Variants in WWOX observed in about 807,000 individuals in gnomAD.
WWOX encodes the protein WW domain-containing oxidoreductase.
A neutral mutation model predicts 46.2 loss-of-function variants in WWOX; 69 were observed. That is an observed-to-expected ratio of 1.49 (90% CI 1.23 to 1.82). WWOX has a LOEUF of 1.82. Ranked by LOEUF, WWOX falls within the 40% of genes most tolerant of loss-of-function variation. The pLI is 0.00. For synonymous variants in WWOX, 359 were observed against 202.6 expected (o/e 1.77, Z -6.56); for missense variants, 919 against 542.6 (o/e 1.69, Z -6.89).
intron 8 of WWOX, among the ~76,000 whole-genome samples, chr16:78,445,666 C>G (rs777807605): frequency 6.6e-6 from 1 of 152,122 alleles, no homozygotes. Context: ...CACTTGAGGC[C>G]GGGAGTTTGA....
chr16:78,438,571 C>T (rs939387846), intron 8 of WWOX, among the ~76,000 whole-genome samples: 3 of 152,086 alleles, frequency 2.0e-5, no homozygotes, highest in Admixed American at 2.0e-4. Context: ...TGAGCACTGT[C>T]ACTTGCCTCT....
chr16:78,928,551 T>G (rs114900039), intron 8 of WWOX, among the ~76,000 whole-genome samples: 2,474 of 152,268 alleles, frequency 0.016, 72 homozygotes, highest in African/African-American at 0.057. Context: ...TGAATACTGA[T>G]TTTTCGTTAC....
intron 5 of WWOX, among the ~76,000 whole-genome samples, chr16:78,359,818 C>G (rs1287541142): frequency 1.3e-5 from 2 of 152,180 alleles, no homozygotes; most frequent in Admixed American, 6.5e-5. Context: ...CTGGGATGAA[C>G]AGGGAAGACT....
At chr16:78,702,029 AT>A (rs2048230110) in intron 8 of WWOX, among the ~76,000 whole-genome samples, 2 of 122,354 alleles carry the variant, frequency 1.6e-5, no homozygotes, top group African/African-American at 8.2e-5. Context: ...ATATATATAT[AT>A]ATATATATAT....
intron 8 of WWOX, among the ~76,000 whole-genome samples, chr16:78,578,812 T>C (rs1273601346): frequency 6.6e-6 from 1 of 152,178 alleles, no homozygotes. Context: ...CAGAATTGCA[T>C]CCCTGACATT....
intron 8 of WWOX, among the ~76,000 whole-genome samples, chr16:78,523,440 G>A (rs941556279): frequency 1.3e-5 from 2 of 152,160 alleles, no homozygotes; most frequent in Admixed American, 6.5e-5. Context: ...GGTAATTACC[G>A]AATCATAAAT....
intron 8 of WWOX, among the ~76,000 whole-genome samples, chr16:79,019,110 A>G (rs887508484): frequency 1.4e-5 from 2 of 145,214 alleles, no homozygotes; most frequent in East Asian, 2.1e-4. Flanking sequence ...GTGAGGCAAG[A>G]TCACACCACT....
chr16:78,491,522 G>A (rs1355394346), intron 8 of WWOX, among the ~76,000 whole-genome samples: 1 of 152,084 alleles, frequency 6.6e-6, no homozygotes, highest in Non-Finnish European at 1.5e-5. Context: ...GAGTGCAGTG[G>A]CAGAGTCTCT....
At chr16:78,378,631 C>G (rs527663912) in intron 5 of WWOX, among the ~76,000 whole-genome samples, 1 of 152,178 alleles carries the variant, frequency 6.6e-6, no homozygotes, top group Non-Finnish European at 1.5e-5. Context: ...GTGTCTCTTG[C>G]TGTTGTAAAT....
intron 5 of WWOX, among the ~76,000 whole-genome samples, chr16:78,259,403 T>C (rs1286861428): frequency 6.6e-6 from 1 of 152,208 alleles, no homozygotes; most frequent in African/African-American, 2.4e-5. Context: ...CTCGGCTGAC[T>C]GCAACCTCTG....
chr16:78,552,537 G>A (rs1054381973), intron 8 of WWOX: 1 of 152,196 alleles, frequency 6.6e-6, no homozygotes, highest in African/African-American at 2.4e-5. Context: ...GGAGCAGCTG[G>A]AGGGTCCAGG....
chr16:78,798,670 C>T (rs1471762142), intron 8 of WWOX, among the ~76,000 whole-genome samples: 8 of 150,638 alleles, frequency 5.3e-5, no homozygotes, highest in South Asian at 2.1e-4. Context: ...TTTAATTTCT[C>T]ACCATCTCAG....
intron 8 of WWOX, among the ~76,000 whole-genome samples, chr16:78,634,705 TAAAAAA>T (rs60805816): frequency 1.5e-5 from 2 of 133,420 alleles, no homozygotes; most frequent in Non-Finnish European, 1.6e-5. Flanking sequence ...GACTCTGTGT[TAAAAAA>T]AAAAAAAAAA....
intron 5 of WWOX, among the ~76,000 whole-genome samples, chr16:78,209,563 G>A (rs951834268): frequency 1.3e-5 from 2 of 152,122 alleles, no homozygotes; most frequent in South Asian, 2.1e-4. Flanking sequence ...TATAATATGT[G>A]CACCTTTGAG....
chr16:79,002,340 C>T (rs1360221923), intron 8 of WWOX, among the ~76,000 whole-genome samples: 2 of 149,964 alleles, frequency 1.3e-5, no homozygotes, highest in Non-Finnish European at 3.0e-5. Flanking sequence ...TCTCCTGCCT[C>T]AGCCTCCTGA....
intron 8 of WWOX, among the ~76,000 whole-genome samples, chr16:78,515,482 T>G (rs974133941): frequency 6.6e-6 from 1 of 152,186 alleles, no homozygotes; most frequent in Non-Finnish European, 1.5e-5. Context: ...ATGGTTTGCT[T>G]GGTGTACTGG....
chr16:78,588,400 G>A (rs529635690), intron 8 of WWOX, among the ~76,000 whole-genome samples: 6 of 152,210 alleles, frequency 3.9e-5, no homozygotes, highest in East Asian at 3.9e-4. Context: ...GCCAGGATGG[G>A]GCTACTCTGT....
intron 8 of WWOX, among the ~76,000 whole-genome samples, chr16:78,498,470 A>C (rs559295793): frequency 1.3e-5 from 2 of 152,242 alleles, no homozygotes; most frequent in South Asian, 4.2e-4. Flanking sequence ...AAATCTTATG[A>C]TAAAACTCTA....
In WWOX at chr16:78,342,505, C is replaced by T. The variant is rs903556933; in HGVS notation, c.517-44355C>T. ...GTTGCTTCCATCAACATTCCACTGG[C>T]GAGAGTGAGTCCCTGGCCCCTATGT... On this transcript the variant is annotated intron_variant, in intron 5 of 8. Coordinates refer to ENST00000566780, the MANE Select transcript of WWOX (RefSeq NM_016373.4). 4.2e-5 allele frequency among the ~76,000 whole-genome samples: 5 copies of T among 119,762 alleles called. 1 individual carries two copies. The highest frequency in any genetic ancestry group is 1.1e-4 in the African/African-American group (4 of 35,272). 78.6% of individuals were successfully genotyped at this position (119,762 alleles called of 152,430 possible). A position where few individuals can be genotyped will look rare whatever the true frequency, so the allele number is the denominator to read the frequency against.
Sources: gnomAD v4.1 joint callset for allele counts (sites outside exome capture counted in the v4.1 genomes callset) on GRCh38, gnomAD v4.1.1 for gene constraint, MANE v1.5 for transcripts, NCBI Gene and HGNC (gene_info 2026-07-23, HGNC 2026-07-21) for gene names.